Variants in LPA observed in about 807,000 individuals in gnomAD.
The protein encoded by LPA is apolipoprotein(a).
LPA carries 199 observed loss-of-function variants against 197.9 expected under a neutral mutation model. That is an observed-to-expected ratio of 1.01 (90% CI 0.90 to 1.13). LPA has a LOEUF of 1.13. Among genes scored for constraint, LPA ranks in the 50% most tolerant of loss-of-function variants. The pLI is 0.00. For synonymous variants in LPA, 715 were observed against 639.5 expected (o/e 1.12, Z -1.78); for missense variants, 1,853 against 1,785.8 (o/e 1.04, Z -0.68).
At chr6:160,607,080 T>G (rs1020317446) in intron 16 of LPA, among the ~76,000 whole-genome samples, 1 of 152,046 alleles carries the variant, frequency 6.6e-6, no homozygotes, top group African/African-American at 2.4e-5. Flanking sequence ...CGGTAGGACT[T>G]CATATTCTAA....
At chr6:160,589,750 C>G in intron 23 of LPA, 38 bp from the exon 24 acceptor site, 1 of 1,611,802 alleles carries the variant, frequency 6.2e-7, no homozygotes, top group Non-Finnish European at 8.5e-7. Flanking sequence ...TGAGTAATTT[C>G]CAGAACACAG....
In LPA at chr6:160,545,375, T is replaced by C. The variant is rs201984707; in HGVS notation, c.5398+65A>G. 413 of 1,182,206 alleles carry C rather than the reference T, an allele frequency of 3.5e-4. 4 individuals carry two copies. In the East Asian group the frequency reaches 9.8e-3, roughly 28 times the overall value. The allele number at this position is 1,182,206 out of a possible 1,614,324, so 73.2% of individuals were successfully genotyped here. A position where few individuals can be genotyped will look rare whatever the true frequency, so the allele number is the denominator to read the frequency against. ...CTCAAAAGCCATTTTCTGTTTTTTTTGCTTTTTTTTTTCCAAATCCATATT... is the reference window on the plus strand; with the variant it reads ...CTCAAAAGCCATTTTCTGTTTTTTTCGCTTTTTTTTTTCCAAATCCATATT... On this transcript the variant is annotated intron_variant, in intron 33 of 38. Coordinates refer to ENST00000316300, the MANE Select transcript of LPA (RefSeq NM_005577.4).
Position 160,532,565 on chromosome 6 carries a change from G to A in LPA, c.5927C>T (p.Ala1976Val). 2 of 1,612,850 alleles carry A rather than the reference G, an allele frequency of 1.2e-6. No homozygotes were observed. The highest frequency in any genetic ancestry group is 1.7e-6 in the Non-Finnish European group (2 of 1,178,876). The change falls in exon 38 of 39, where the codon GCT becomes GTT. Residue 1976 changes from alanine (A) to valine (V), a missense_variant. This residue lies in a region of LPA where 1,737 missense variants were observed against 1,504.4 expected (regional missense o/e 1.15). Coordinates refer to ENST00000316300, the MANE Select transcript of LPA (RefSeq NM_005577.4). The stretch of plus-strand genomic sequence containing the variant: ...GTCAGTGCCTCTGGCCAAATGCTCA[G>A]CACAAATATACTTATAGTGATTGCA... The part of the protein sequence containing the change: ...EVCNHYKYIC[A>V]EHLARGTDSC...
At chr6:160,594,156 T>C (rs769308790) in intron 21 of LPA, 39 bp from the exon 22 acceptor site, 43 of 1,612,146 alleles carry the variant, frequency 2.7e-5, no homozygotes, top group Non-Finnish European at 3.6e-5. Flanking sequence ...GAGTAATTTC[T>C]AGAACACAGA....
chr6:160,647,345 G>A (rs1487902822), intron 2 of LPA, among the ~76,000 whole-genome samples: 2 of 152,208 alleles, frequency 1.3e-5, no homozygotes, highest in Admixed American at 6.5e-5. Context: ...TGCCTCCCAA[G>A]AACGTTGCTC....
intron 1 of LPA, among the ~76,000 whole-genome samples, chr6:160,657,239 G>A (rs577949289): frequency 6.6e-6 from 1 of 152,168 alleles, no homozygotes; most frequent in Admixed American, 6.5e-5. Flanking sequence ...CTCCCAGCTG[G>A]GATGAGTAGG....
intron 20 of LPA, 36 bp downstream of exon 20, chr6:160,599,464 C>T (rs777306756): frequency 6.2e-7 from 1 of 1,611,828 alleles, no homozygotes; most frequent in East Asian, 2.2e-5. Flanking sequence ...CTTCCATTGG[C>T]CCTTCCTTCG....
intron 1 of LPA, among the ~76,000 whole-genome samples, chr6:160,658,863 CTAA>C (rs1281231817): frequency 2.4e-5 from 2 of 84,610 alleles, no homozygotes; most frequent in Non-Finnish European, 5.5e-5. Context: ...AGGGACAGAA[CTAA>C]TAGGAGATTA....
At chr6:160,578,817 C>T (rs960748078) in intron 26 of LPA, 113 bp from the exon 27 acceptor site, 1 of 1,443,622 alleles carries the variant, frequency 6.9e-7, no homozygotes, top group African/African-American at 1.4e-5. Context: ...TGAAATATTC[C>T]CATTATACCA....
At chr6:160,593,104 G>A (rs1161129019) in intron 22 of LPA, among the ~76,000 whole-genome samples, 1 of 152,106 alleles carries the variant, frequency 6.6e-6, no homozygotes, top group East Asian at 1.9e-4. Flanking sequence ...TTCTTAGCCA[G>A]CCTAGAATAC....
chr6:160,594,570 G>A (rs752452196), intron 21 of LPA, among the ~76,000 whole-genome samples: 1 of 152,136 alleles, frequency 6.6e-6, no homozygotes, highest in Non-Finnish European at 1.5e-5. Context: ...CTTGAAGATG[G>A]GGCAGGAAGC....
chr6:160,538,723 GC>G, intron 36 of LPA, among the ~76,000 whole-genome samples: 1 of 152,160 alleles, frequency 6.6e-6, no homozygotes, highest in Non-Finnish European at 1.5e-5. Flanking sequence ...AGAAGGCCCA[GC>G]CTGTGATGCA....
intron 26 of LPA, among the ~76,000 whole-genome samples, chr6:160,580,472 A>G (rs1359846030): frequency 6.6e-6 from 1 of 152,178 alleles, no homozygotes; most frequent in Non-Finnish European, 1.5e-5. Flanking sequence ...ATCGAACTTT[A>G]TAAGAAAGCA....
rs1207754015 is a variant in LPA at position 160,606,631 on chromosome 6, A to G, written c.2631T>C (p.Asn877=). The G allele has an allele frequency of 8.1e-6, 13 of 1,614,038 alleles. No homozygotes were observed. Among genetic ancestry groups the G allele is most frequent in the Non-Finnish European group, 1.0e-5 (12 of 1,179,960 alleles). ...AATAAGGGGCTGCCACAGGATCTGG[A>G]TTCCTGCAGTAGTTCATGATCAAGC... is the stretch of plus-strand genomic sequence containing the variant. ...NAGLIMNYCR[N]PDPVAAPYCY... Residue 877 remains asparagine (N), a synonymous_variant, in exon 17 of 39, where the codon AAT becomes AAC. Transcript: ENST00000316300.
chr6:160,565,576 C>G (rs144460763), intron 28 of LPA, among the ~76,000 whole-genome samples: 2 of 152,234 alleles, frequency 1.3e-5, no homozygotes, highest in Admixed American at 1.3e-4. Flanking sequence ...GGGGAGAAAC[C>G]AGAGCAGAAC....
intron 19 of LPA, among the ~76,000 whole-genome samples, chr6:160,600,471 G>A (rs1433437222): frequency 6.6e-6 from 1 of 152,144 alleles, no homozygotes; most frequent in Non-Finnish European, 1.5e-5. Context: ...TGGAATTAAT[G>A]CAACCCAGTT....
Position 160,611,597 on chromosome 6 carries a change from G to C in LPA, c.2568C>G (p.His856Gln), listed in dbSNP as rs776719332. The change falls in exon 16 of 39, where the codon CAC becomes CAG. Residue 856 changes from histidine (H) to glutamine (Q), a missense_variant. Physicochemically the swap from His to Gln is conservative, Grantham distance 24. Transcript: ENST00000316300. ...TCQAWSSMTP[H>Q]SHSRTPEYYP... is the part of the protein sequence containing the mutation. ...AGTATTCTGGGGTCCGACTATGCGA[G>C]TGTGGTGTCATAGATGACCAAGCTT... The C allele has an allele frequency of 3.7e-6, 6 of 1,602,792 alleles. No homozygotes were observed. Among genetic ancestry groups the C allele is most frequent in the Non-Finnish European group, 5.1e-6 (6 of 1,178,166 alleles).
intron 7 of LPA, among the ~76,000 whole-genome samples, chr6:160,634,623 A>C (rs1224574755): frequency 6.7e-6 from 1 of 149,342 alleles, no homozygotes; most frequent in Non-Finnish European, 1.5e-5. Context: ...AGAGCCTTAG[A>C]GCATTGGGAG....
At chr6:160,590,441 C>T (rs1218365223) in intron 23 of LPA, among the ~76,000 whole-genome samples, 1 of 152,124 alleles carries the variant, frequency 6.6e-6, no homozygotes, top group African/African-American at 2.4e-5. Flanking sequence ...GGAGATAGAG[C>T]ATTTGCTGGC....
Sources: gnomAD v4.1 joint callset for allele counts (sites outside exome capture counted in the v4.1 genomes callset) on GRCh38, gnomAD v4.1.1 for gene constraint, gnomAD v4.1.1 regional missense constraint, MANE v1.5 for transcripts, NCBI Gene and HGNC (gene_info 2026-07-23, HGNC 2026-07-21) for gene names.